RBFOX1: variants seen among roughly 807,000 people sequenced by gnomAD.
The protein encoded by RBFOX1 is RNA binding fox-1 homolog 1, also known as RNA binding protein fox-1 homolog 1.
Under a neutral mutation model 57.7 loss-of-function variants are expected in RBFOX1, and 8 were observed. The observed-to-expected ratio is 0.14, with a 90% CI of 0.08 to 0.25. RBFOX1 has a LOEUF of 0.25. Among genes scored for constraint, RBFOX1 ranks in the 10% least tolerant of loss-of-function variants. The probability of loss-of-function intolerance (pLI) is 1.00; values close to 1 mark genes in which losing one functional copy is unlikely to be tolerated. For missense variants in RBFOX1, 611 were observed against 548.5 expected, an observed-to-expected ratio of 1.11 and a Z score of -1.14; for synonymous variants, 326 against 222.4, an observed-to-expected ratio of 1.47 and a Z score of -4.15.
chr16:5,710,877 C>T (rs13338888), intron 3 of RBFOX1, among the ~76,000 whole-genome samples: 2,247 of 152,234 alleles, frequency 0.015, 58 homozygotes, highest in African/African-American at 0.051. Context: ...AAAGGGATGA[C>T]GGGTCCTCTT....
chr16:6,740,282 G>A (rs1456917227), intron 3 of RBFOX1, among the ~76,000 whole-genome samples: 1 of 152,126 alleles, frequency 6.6e-6, no homozygotes, highest in Non-Finnish European at 1.5e-5. Flanking sequence ...AAGGATATGT[G>A]CAAAAAACCT....
intron 4 of RBFOX1, among the ~76,000 whole-genome samples, chr16:7,336,762 A>C (rs1413362607): frequency 2.0e-5 from 3 of 152,192 alleles, no homozygotes; most frequent in Admixed American, 6.5e-5. Flanking sequence ...GTATTTGTCC[A>C]CCTTCCTATA....
In RBFOX1 at chr16:7,304,202, CAGAGAGAGAGACAGAGAG is replaced by C. The variant is rs1226543573; in HGVS notation, c.28-213933_28-213916del. The C allele has an allele frequency of 5.7e-5, 53 of 936,560 alleles. No individual in the cohort carries two copies. In the South Asian group the frequency reaches 9.4e-4, roughly 17 times the overall value. The allele number at this position is 936,560 out of a possible 1,614,324, so 58.0% of individuals were successfully genotyped here. ...GGAGGAGGAAAGAGGGGGAGAGAGACAGAGAGAGAGACAGAGAGAGAGAGAGAGAGAGAGAGAGAGAGA... is the reference window on the plus strand; with the variant it reads ...GGAGGAGGAAAGAGGGGGAGAGAGACAGAGAGAGAGAGAGAGAGAGAGAGA... On this transcript the variant is annotated intron_variant, in intron 4 of 15. Coordinates refer to ENST00000550418, the MANE Select transcript of RBFOX1 (RefSeq NM_018723.4).
intron 2 of RBFOX1, among the ~76,000 whole-genome samples, chr16:6,600,818 G>A (rs898509924): frequency 1.4e-5 from 2 of 144,732 alleles, no homozygotes; most frequent in African/African-American, 4.9e-5. Context: ...AGAAAAAAAA[G>A]ATAGAAAAAA....
chr16:7,146,343 A>T (rs2152217077), intron 4 of RBFOX1, among the ~76,000 whole-genome samples: 1 of 152,286 alleles, frequency 6.6e-6, no homozygotes, highest in African/African-American at 2.4e-5. Flanking sequence ...ACTTGCAGTG[A>T]TGGTCTTTCC....
intron 3 of RBFOX1, among the ~76,000 whole-genome samples, chr16:6,966,892 TCTCC>T (rs1189132053): frequency 0.011 from 1,194 of 109,790 alleles, 23 homozygotes; most frequent in African/African-American, 0.042. Context: ...TCTATTCATC[TCTCC>T]ATCCATCCAT....
intron 2 of RBFOX1, among the ~76,000 whole-genome samples, chr16:6,452,618 G>A (rs2094659202): frequency 6.6e-6 from 1 of 152,188 alleles, no homozygotes; most frequent in African/African-American, 2.4e-5. Context: ...TAAGCAAATA[G>A]CATCAATGAG....
chr16:6,748,294 C>G (rs181417775), intron 3 of RBFOX1, among the ~76,000 whole-genome samples: 3 of 151,248 alleles, frequency 2.0e-5, no homozygotes, highest in South Asian at 2.1e-4. Flanking sequence ...CACACACACA[C>G]GCAAATACAT....
chr16:6,579,011 A>C (rs1054088780), intron 2 of RBFOX1, among the ~76,000 whole-genome samples: 1 of 152,084 alleles, frequency 6.6e-6, no homozygotes, highest in Admixed American at 6.6e-5. Flanking sequence ...TATGTAACCA[A>C]ACACCACCTG....
At chr16:6,067,029 C>T (rs1019281858) in intron 1 of RBFOX1, among the ~76,000 whole-genome samples, 3 of 152,104 alleles carry the variant, frequency 2.0e-5, no homozygotes, top group African/African-American at 7.2e-5. Flanking sequence ...GTTTAAATGT[C>T]AGGCTCTGCA....
At chr16:6,828,377 A>T (rs1171512202) in intron 3 of RBFOX1, among the ~76,000 whole-genome samples, 1 of 152,056 alleles carries the variant, frequency 6.6e-6, no homozygotes, top group Non-Finnish European at 1.5e-5. Flanking sequence ...TACAAAAATT[A>T]ACTGGGCATG....
intron 1 of RBFOX1, among the ~76,000 whole-genome samples, chr16:5,290,525 A>G (rs2063507571): frequency 6.6e-6 from 1 of 152,178 alleles, no homozygotes; most frequent in South Asian, 2.1e-4. Flanking sequence ...TTAAATGGGC[A>G]AATCATACGG....
intron 3 of RBFOX1, among the ~76,000 whole-genome samples, chr16:6,708,060 C>G (rs1405724642): frequency 6.6e-6 from 1 of 152,146 alleles, no homozygotes; most frequent in African/African-American, 2.4e-5. Flanking sequence ...TTTCCCCTGG[C>G]TTCCCTTTTG....
chr16:7,481,545 A>G (rs2063939861), intron 4 of RBFOX1, among the ~76,000 whole-genome samples: 1 of 152,214 alleles, frequency 6.6e-6, no homozygotes, highest in African/African-American at 2.4e-5. Context: ...CTGATTTGAA[A>G]GTTAACTTAC....
rs540749728 is a variant in RBFOX1, at chr16:7,445,070, C to G, written c.28-73077C>G. Reference sequence around the variant, plus strand: ...AAGAAAAAGCAACGTTCTTGACTGCCCGGAAAAATACTGTCTTGTCAGCTG... The same window carrying G: ...AAGAAAAAGCAACGTTCTTGACTGCGCGGAAAAATACTGTCTTGTCAGCTG... On this transcript the variant is annotated intron_variant, in intron 4 of 15. Coordinates refer to ENST00000550418, the MANE Select transcript of RBFOX1 (RefSeq NM_018723.4). Among the ~76,000 whole-genome samples, 10 of 150,210 alleles carry G rather than the reference C, an allele frequency of 6.7e-5. No individual in the cohort carries two copies. In the South Asian group the frequency reaches 2.2e-3, roughly 33 times the overall value.
chr16:7,333,112 A>G (rs771298576), intron 4 of RBFOX1: 8 of 1,603,766 alleles, frequency 5.0e-6, no homozygotes, highest in Non-Finnish European at 6.8e-6. Context: ...TCTGCCAGCC[A>G]GCAACTTAAC....
intron 2 of RBFOX1, among the ~76,000 whole-genome samples, chr16:5,524,905 A>G (rs2044179671): frequency 6.6e-6 from 1 of 152,070 alleles, no homozygotes; most frequent in Non-Finnish European, 1.5e-5. Context: ...CTAACTTCCC[A>G]GCCCCACAAG....
intron 1 of RBFOX1, among the ~76,000 whole-genome samples, chr16:6,182,215 G>A (rs1355017026): frequency 6.6e-6 from 1 of 152,270 alleles, no homozygotes; most frequent in East Asian, 1.9e-4. Flanking sequence ...GACTTAAGAT[G>A]TGTTGTTTTA....
At chr16:5,760,718 T>G (rs917535567) in intron 3 of RBFOX1, among the ~76,000 whole-genome samples, 1 of 152,044 alleles carries the variant, frequency 6.6e-6, no homozygotes. Context: ...ATTGTGGGGT[T>G]TTGCCATTAT....
Sources: allele counts gnomAD v4.1 joint callset (sites outside exome capture counted in the v4.1 genomes callset), GRCh38; gene constraint gnomAD v4.1.1; transcripts MANE v1.5; gene names NCBI Gene and HGNC (gene_info 2026-07-23, HGNC 2026-07-21).